The following GRIP1 variants were observed in gnomAD, a reference collection of about 807,000 sequenced individuals.
GRIP1 encodes glutamate receptor-interacting protein 1.
Under a neutral mutation model 129.9 loss-of-function variants are expected in GRIP1, and 45 were observed. That is an observed-to-expected ratio of 0.35 (90% CI 0.27 to 0.44). GRIP1 has a LOEUF of 0.44. GRIP1 is among the 20% of genes least tolerant of loss of function. The probability of loss-of-function intolerance (pLI) is 1.00; values close to 1 mark genes in which losing one functional copy is unlikely to be tolerated. For missense variants in GRIP1, 1,196 were observed against 1,396.8 expected (o/e 0.86, Z 2.29); for synonymous variants, 530 against 520.8 (o/e 1.02, Z -0.24).
At chr12:67,064,747 A>C (rs986343939) in intron 1 of GRIP1, among the ~76,000 whole-genome samples, 1 of 151,960 alleles carries the variant, frequency 6.6e-6, no homozygotes, top group African/African-American at 2.4e-5. Context: ...GCTTTCTCAT[A>C]GATATTTTTT....
At chr12:66,959,680 C>T (rs1437265907) in intron 1 of GRIP1, among the ~76,000 whole-genome samples, 1 of 152,034 alleles carries the variant, frequency 6.6e-6, no homozygotes, top group Non-Finnish European at 1.5e-5. Context: ...TTTTAAAAAG[C>T]AGCTTCAAAT....
At chr12:66,511,598 T>A (rs2060700726) in intron 7 of GRIP1, among the ~76,000 whole-genome samples, 1 of 152,146 alleles carries the variant, frequency 6.6e-6, no homozygotes, top group African/African-American at 2.4e-5. Flanking sequence ...GACACAGTGC[T>A]CAGTATAGTG....
chr12:66,580,405 C>T (rs551123971), intron 2 of GRIP1, among the ~76,000 whole-genome samples: 55 of 151,254 alleles, frequency 3.6e-4, no homozygotes, highest in African/African-American at 1.1e-3. Flanking sequence ...TCACACATAA[C>T]AATATTAACT....
At chr12:66,740,424 A>G (rs2036753024) in intron 1 of GRIP1, among the ~76,000 whole-genome samples, 1 of 152,154 alleles carries the variant, frequency 6.6e-6, no homozygotes, top group African/African-American at 2.4e-5. Flanking sequence ...GGATGTTAAG[A>G]CTGCAGTCAC....
rs1396592855 is a variant in GRIP1, at chr12:66,394,371, A to G, written c.1985-19T>C. On this transcript the variant is annotated intron_variant, in intron 16 of 24. Transcript: ENST00000359742. ...TGCTCATCTGTAATAAATGCCAAGG[A>G]ATCATAATTGATTTCTTTGGAAAAA... 3 of 1,611,982 alleles carry G rather than the reference A, an allele frequency of 1.9e-6. No individual in the cohort carries two copies. The highest frequency in any genetic ancestry group is 2.2e-5 in the East Asian group (1 of 44,890).
At position 66,866,303 on chromosome 12, in the gene GRIP1, AAAAAAAT is replaced by A. The variant is rs2040203537; in HGVS notation, c.58+202740_58+202746del. ...GGGTGGCATAGTGACACCCTATCTT[AAAAAAAT>A]AAAAAATAAAAAGTTAGCCAAGTGT... On this transcript the variant is annotated intron_variant, in intron 1 of 1. Coordinates refer to the GRIP1 transcript ENST00000643019. Among the ~76,000 whole-genome samples the A allele has an allele frequency of 3.3e-5, 5 of 152,144 alleles. No individual in the cohort carries two copies. The South Asian group carries it at 8.3e-4, about 25-fold the overall frequency.
At chr12:66,523,634 T>C (rs941369407) in intron 5 of GRIP1, among the ~76,000 whole-genome samples, 12 of 147,474 alleles carry the variant, frequency 8.1e-5, no homozygotes, top group African/African-American at 3.0e-4. Context: ...ACGAGCAAAA[T>C]CACCAGCTAA....
At chr12:67,068,927 G>C (rs2043685391) in intron 1 of GRIP1, 1 of 220,318 alleles carries the variant, frequency 4.5e-6, no homozygotes. Context: ...CGGGCCCTGA[G>C]GGCGCGGCGC....
At chr12:66,784,787 C>A (rs1366003250) in intron 1 of GRIP1, among the ~76,000 whole-genome samples, 1 of 151,858 alleles carries the variant, frequency 6.6e-6, no homozygotes, top group East Asian at 1.9e-4. Flanking sequence ...GTACCTCCAA[C>A]CTCCTCTCTG....
chr12:67,054,097 C>G (rs1036493005), intron 1 of GRIP1, among the ~76,000 whole-genome samples: 4 of 152,144 alleles, frequency 2.6e-5, no homozygotes, highest in Non-Finnish European at 5.9e-5. Context: ...ATGGGAAGAC[C>G]AGGCAAGATA....
chr12:67,015,312 C>T (rs2042769868), intron 1 of GRIP1, among the ~76,000 whole-genome samples: 1 of 152,160 alleles, frequency 6.6e-6, no homozygotes, highest in African/African-American at 2.4e-5. Flanking sequence ...TCTTAGCAAG[C>T]TTAGGGGGCT....
intron 1 of GRIP1, among the ~76,000 whole-genome samples, chr12:66,632,284 C>T (rs2030882702): frequency 1.3e-5 from 2 of 152,100 alleles, no homozygotes; most frequent in South Asian, 4.1e-4. Context: ...CAGAAGGTCA[C>T]AAGGCAAGTA....
intron 1 of GRIP1, among the ~76,000 whole-genome samples, chr12:66,944,864 C>T (rs1377152057): frequency 1.3e-5 from 2 of 152,168 alleles, no homozygotes; most frequent in Non-Finnish European, 2.9e-5. Context: ...ACGCTCTTGG[C>T]TCACTGCAAC....
intron 1 of GRIP1, among the ~76,000 whole-genome samples, chr12:66,927,565 T>G (rs1178953995): frequency 6.6e-6 from 1 of 152,170 alleles, no homozygotes; most frequent in African/African-American, 2.4e-5. Context: ...CCTCTCTGTT[T>G]CCAGCCACGG....
intron 1 of GRIP1, among the ~76,000 whole-genome samples, chr12:66,888,139 C>T (rs1387938187): frequency 6.6e-6 from 1 of 152,020 alleles, no homozygotes; most frequent in Admixed American, 6.6e-5. Flanking sequence ...CTTACTGCAA[C>T]CTCGACCTGG....
intron 13 of GRIP1, among the ~76,000 whole-genome samples, chr12:66,439,795 C>G (rs530566921): frequency 2.0e-5 from 3 of 152,202 alleles, no homozygotes; most frequent in Admixed American, 2.0e-4. Context: ...TTTGAACCTC[C>G]CTGACTAGTT....
intron 2 of GRIP1, among the ~76,000 whole-genome samples, chr12:66,578,343 G>T (rs1289536250): frequency 6.7e-6 from 1 of 148,854 alleles, no homozygotes; most frequent in East Asian, 2.0e-4. Flanking sequence ...GAAGACGGGT[G>T]ATTTCTGCAT....
intron 7 of GRIP1, among the ~76,000 whole-genome samples, chr12:66,488,848 T>G (rs926018536): frequency 6.6e-6 from 1 of 152,076 alleles, no homozygotes; most frequent in African/African-American, 2.4e-5. Flanking sequence ...AACACCTCTA[T>G]GCACACAAAC....
intron 1 of GRIP1, among the ~76,000 whole-genome samples, chr12:66,910,266 T>C (rs2041006658): frequency 1.3e-5 from 2 of 152,236 alleles, no homozygotes; most frequent in African/African-American, 4.8e-5. Context: ...TCATTCTCTC[T>C]CTGCCTAAGT....
Sources: allele counts gnomAD v4.1 joint callset (sites outside exome capture counted in the v4.1 genomes callset), GRCh38; gene constraint gnomAD v4.1.1; transcripts MANE v1.5; gene names NCBI Gene and HGNC (gene_info 2026-07-23, HGNC 2026-07-21).